The following ATG7 variants were observed in gnomAD, a reference collection of about 807,000 sequenced individuals.
ATG7 encodes autophagy related 7, also known as ubiquitin-like modifier-activating enzyme ATG7.
In ATG7, 70 loss-of-function variants were observed where a neutral mutation model predicts 82.4. The observed-to-expected ratio is 0.85, with a 90% confidence interval of 0.70 to 1.04. The LOEUF is 1.04. ATG7 is among the 50% of genes least tolerant of loss of function. The pLI is 0.00. For missense variants in ATG7, 792 were observed against 864.3 expected, an observed-to-expected ratio of 0.92 and a Z score of 1.05; for synonymous variants, 287 against 313.0, an observed-to-expected ratio of 0.92 and a Z score of 0.88.
chr3:11,547,005 T>A (rs2071350652), intron 20 of ATG7, among the ~76,000 whole-genome samples: 1 of 152,228 alleles, frequency 6.6e-6, no homozygotes, highest in Non-Finnish European at 1.5e-5. Flanking sequence ...AGCTGGCCTG[T>A]CCTTTCGGCT....
intron 9 of ATG7, among the ~76,000 whole-genome samples, chr3:11,326,405 TCTC>T (rs2152745602): frequency 6.6e-6 from 1 of 152,184 alleles, no homozygotes; most frequent in African/African-American, 2.4e-5. Context: ...TTCACACCAT[TCTC>T]CTGCCTCAGT....
rs142202028 is a variant in ATG7, at chr3:11,485,447, C to T, written c.2079+58521C>T. On this transcript the variant is annotated intron_variant, in intron 20 of 20. Transcript: ENST00000693202. ...TTGTAGATTCTGGACATTAGCCCTT[C>T]GTCAGATGAGTAGGTTGTGAAAATT... Among the ~76,000 whole-genome samples, 790 of 152,182 alleles carry T rather than the reference C, an allele frequency of 5.2e-3. 8 individuals carry two copies. The highest frequency in any genetic ancestry group is 0.018 in the African/African-American group (745 of 41,516).
intron 11 of ATG7, among the ~76,000 whole-genome samples, chr3:11,334,884 G>T (rs896876905): frequency 6.7e-6 from 1 of 149,806 alleles, no homozygotes; most frequent in Non-Finnish European, 1.5e-5. Context: ...TTGAACCTGG[G>T]AGGTGGAGGT....
At chr3:11,371,660 C>T (rs1213885020) in intron 18 of ATG7, among the ~76,000 whole-genome samples, 4 of 151,120 alleles carry the variant, frequency 2.6e-5, no homozygotes, top group Admixed American at 2.6e-4. Flanking sequence ...TGAGCGAAAA[C>T]CTCCAGGGAC....
intron 19 of ATG7, among the ~76,000 whole-genome samples, chr3:11,409,705 A>G (rs1012631453): frequency 1.3e-5 from 2 of 151,234 alleles, no homozygotes; most frequent in African/African-American, 4.9e-5. Context: ...TTTGTGTTTT[A>G]TATGTAGGTA....
chr3:11,511,045 G>A (rs1237709018), intron 20 of ATG7, among the ~76,000 whole-genome samples: 3 of 151,898 alleles, frequency 2.0e-5, no homozygotes, highest in Non-Finnish European at 2.9e-5. Context: ...TCGCTGGCTC[G>A]GGAGTGAAGC....
intron 3 of ATG7, among the ~76,000 whole-genome samples, chr3:11,296,649 A>T (rs1945971811): frequency 1.3e-5 from 2 of 152,114 alleles, no homozygotes; most frequent in African/African-American, 4.8e-5. Flanking sequence ...CACCCATGTC[A>T]CCTGCTCAGC....
intron 3 of ATG7, among the ~76,000 whole-genome samples, chr3:11,292,515 C>G (rs997541027): frequency 1.3e-5 from 2 of 152,154 alleles, no homozygotes; most frequent in African/African-American, 4.8e-5. Flanking sequence ...CCGCCTTGGC[C>G]TCCCAAAGTG....
intron 20 of ATG7, among the ~76,000 whole-genome samples, chr3:11,548,023 T>G (rs1345436355): frequency 6.6e-6 from 1 of 152,066 alleles, no homozygotes; most frequent in Non-Finnish European, 1.5e-5. Context: ...TAAATTTTTT[T>G]GATAGAGACA....
rs564226139 is a variant in ATG7, at chr3:11,371,971, G to A, written c.1875+7237G>A. 1.8e-4 allele frequency among the ~76,000 whole-genome samples: 27 copies of A among 151,392 alleles called. 1 individual carries two copies. Among genetic ancestry groups the A allele is most frequent in the Non-Finnish European group, 3.2e-4 (22 of 67,834 alleles). On this transcript the variant is annotated intron_variant, in intron 18 of 20. Transcript: ENST00000693202. ...GTCCAGCTGGGAACAGCCCGGGAGC[G>A]AGGCCAAACAACCATATAAAGCGAG... is the stretch of plus-strand genomic sequence containing the variant.
chr3:11,532,224 C>T (rs1035225033), intron 20 of ATG7, among the ~76,000 whole-genome samples: 6 of 152,100 alleles, frequency 3.9e-5, no homozygotes, highest in African/African-American at 1.4e-4. Flanking sequence ...TTTATTGATG[C>T]AATGCACCAC....
intron 18 of ATG7, among the ~76,000 whole-genome samples, chr3:11,379,137 A>G (rs575706066): frequency 6.6e-6 from 1 of 152,284 alleles, no homozygotes; most frequent in African/African-American, 2.4e-5. Flanking sequence ...AGGTTTTTCA[A>G]CATAAAATGG....
At chr3:11,485,336 C>A (rs1435957262) in intron 20 of ATG7, among the ~76,000 whole-genome samples, 1 of 152,154 alleles carries the variant, frequency 6.6e-6, no homozygotes, top group Non-Finnish European at 1.5e-5. Context: ...GCATAAATGT[C>A]GTCTTTTGAG....
chr3:11,354,622 C>G (rs2075801073), intron 14 of ATG7, among the ~76,000 whole-genome samples: 1 of 122,280 alleles, frequency 8.2e-6, no homozygotes, highest in African/African-American at 3.2e-5. Context: ...GCACTCCAGT[C>G]TGGTCACAGA....
chr3:11,279,522 A>G (rs1942604931), intron 1 of ATG7, among the ~76,000 whole-genome samples: 1 of 152,146 alleles, frequency 6.6e-6, no homozygotes, highest in Non-Finnish European at 1.5e-5. Context: ...TGTCTCTACT[A>G]AAAATACAAA....
chr3:11,419,834 A>T (rs573635892), intron 19 of ATG7, among the ~76,000 whole-genome samples: 1 of 152,224 alleles, frequency 6.6e-6, no homozygotes, highest in African/African-American at 2.4e-5. Context: ...GTGTGTGTTC[A>T]TAGAGAAAAC....
chr3:11,362,857 T>C lies in ATG7; in HGVS notation c.1728T>C (p.Arg576=). ...RTLDQQCTVS[R]PGLAVIAGAL... The stretch of plus-strand genomic sequence containing the variant: ...TGGACCAGCAGTGCACTGTGAGTCG[T>C]CCAGGACTGGCCGTGATTGCAGGAG... Residue 576 remains arginine (R), a synonymous_variant, in exon 17 of 21, where the codon CGT becomes CGC. Coordinates refer to ENST00000693202, the MANE Select transcript of ATG7 (RefSeq NM_001349232.2). 1 of 1,614,100 alleles carries C rather than the reference T, an allele frequency of 6.2e-7. No homozygotes were observed.
At chr3:11,446,490 G>GA (rs1212597452) in intron 20 of ATG7, 1 of 444,892 alleles carries the variant, frequency 2.2e-6, no homozygotes, top group Non-Finnish European at 4.5e-6. Flanking sequence ...ATACTTTATT[G>GA]TATCTGGTTT....
downstream of ATG7, chr3:11,559,508 C>T (rs1163868265): frequency 2.0e-6 from 3 of 1,495,584 alleles, no homozygotes; most frequent in Non-Finnish European, 2.7e-6. Context: ...TACCGGGCAC[C>T]ACCCCTGGGG....
Sources: allele counts gnomAD v4.1 joint callset (sites outside exome capture counted in the v4.1 genomes callset), GRCh38; gene constraint gnomAD v4.1.1; transcripts MANE v1.5; gene names NCBI Gene and HGNC (gene_info 2026-07-23, HGNC 2026-07-21).